Variants in PTPRE observed in about 807,000 individuals in gnomAD.
The protein encoded by PTPRE is receptor-type tyrosine-protein phosphatase epsilon.
PTPRE carries 51 observed loss-of-function variants against 102.0 expected under a neutral mutation model. That is an observed-to-expected ratio of 0.50 (90% CI 0.40 to 0.63). The LOEUF (loss-of-function observed/expected upper bound fraction) is 0.63. PTPRE is among the 30% of genes least tolerant of loss of function. The pLI is 0.00. For synonymous variants in PTPRE, 345 were observed against 348.2 expected, an observed-to-expected ratio of 0.99 and a Z score of 0.10; for missense variants, 752 against 915.1, an observed-to-expected ratio of 0.82 and a Z score of 2.30.
chr10:128,024,262 G>T (rs1346708120), intron 2 of PTPRE, among the ~76,000 whole-genome samples: 1 of 152,194 alleles, frequency 6.6e-6, no homozygotes, highest in African/African-American at 2.4e-5. Context: ...TACAGTAAAA[G>T]TCTAGCTATA....
chr10:128,048,147 A>G (rs988611396), intron 5 of PTPRE, among the ~76,000 whole-genome samples: 4 of 152,176 alleles, frequency 2.6e-5, no homozygotes, highest in African/African-American at 9.7e-5. Context: ...AGGCCTTACA[A>G]TCATTCTCAG....
chr10:128,004,620 T>C (rs1376474269), intron 2 of PTPRE, among the ~76,000 whole-genome samples: 1 of 152,252 alleles, frequency 6.6e-6, no homozygotes, highest in East Asian at 1.9e-4. Context: ...CTCATTGAGT[T>C]ACTGTGTTTT....
intron 1 of PTPRE, among the ~76,000 whole-genome samples, chr10:127,965,843 A>G (rs572164804): frequency 5.9e-5 from 9 of 152,174 alleles, no homozygotes; most frequent in Non-Finnish European, 8.8e-5. Flanking sequence ...TGCACACCAA[A>G]TTCACTGGTA....
chr10:128,080,234 G>T (rs1364520104), intron 20 of PTPRE, among the ~76,000 whole-genome samples: 5 of 152,192 alleles, frequency 3.3e-5, no homozygotes, highest in African/African-American at 1.2e-4. Flanking sequence ...CTGGTTTTCA[G>T]AAGCGATTCC....
intron 2 of PTPRE, chr10:128,000,073 T>TACTC: frequency 3.1e-6 from 2 of 654,724 alleles, no homozygotes; most frequent in Non-Finnish European, 3.8e-6. Flanking sequence ...GTCTTTAACT[T>TACTC]AGTATTAAAT....
intron 7 of PTPRE, 121 bp from the exon 8 acceptor site, chr10:128,060,818 T>G: frequency 1.1e-6 from 1 of 878,678 alleles, no homozygotes; most frequent in South Asian, 1.5e-5. Context: ...GCTGTGAAGC[T>G]GCTTTTGCCC....
At chr10:127,996,108 G>C (rs895317262) in intron 2 of PTPRE, among the ~76,000 whole-genome samples, 1 of 152,198 alleles carries the variant, frequency 6.6e-6, no homozygotes, top group Non-Finnish European at 1.5e-5. Flanking sequence ...TGAGTCCTCT[G>C]TGTTATTCCC....
chr10:128,067,213 C>T (rs2135995480), intron 11 of PTPRE, among the ~76,000 whole-genome samples: 1 of 123,418 alleles, frequency 8.1e-6, no homozygotes, highest in East Asian at 2.8e-4. Flanking sequence ...CACCCACACA[C>T]ATTCACATGC....
At chr10:128,060,162 G>A (rs1257901620) in intron 7 of PTPRE, among the ~76,000 whole-genome samples, 2 of 139,714 alleles carry the variant, frequency 1.4e-5, no homozygotes, top group Non-Finnish European at 3.1e-5. Flanking sequence ...CTACACACAT[G>A]CACACCACAC....
chr10:127,990,430 A>G (rs866011088), intron 2 of PTPRE, among the ~76,000 whole-genome samples: 83 of 151,554 alleles, frequency 5.5e-4, no homozygotes, highest in East Asian at 1.2e-3. Context: ...AAAAAAAAAA[A>G]AAAGAAAGAA....
intron 2 of PTPRE, among the ~76,000 whole-genome samples, chr10:128,015,208 T>C (rs1845317893): frequency 2.0e-5 from 3 of 152,130 alleles, no homozygotes; most frequent in Admixed American, 2.0e-4. Context: ...AGCAGCTTTG[T>C]TTATAAGAGC....
At chr10:128,019,941 C>A (rs1312218691) in intron 2 of PTPRE, among the ~76,000 whole-genome samples, 3 of 152,218 alleles carry the variant, frequency 2.0e-5, no homozygotes, top group African/African-American at 7.2e-5. Context: ...TTATTAAGTT[C>A]TCAGAGAAAT....
intron 1 of PTPRE, among the ~76,000 whole-genome samples, chr10:127,940,360 T>C (rs1228344596): frequency 1.3e-5 from 2 of 152,290 alleles, no homozygotes; most frequent in South Asian, 4.1e-4. Flanking sequence ...AGCCAACCCC[T>C]AGGACAGCTC....
At chr10:128,006,219 A>G (rs1051411253) in intron 2 of PTPRE, among the ~76,000 whole-genome samples, 1 of 152,178 alleles carries the variant, frequency 6.6e-6, no homozygotes. Context: ...GACTGACACC[A>G]CTGAGTTTCC....
At chr10:128,073,524 C>G in intron 17 of PTPRE, 53 bp downstream of exon 17, 1 of 1,583,760 alleles carries the variant, frequency 6.3e-7, no homozygotes, top group Non-Finnish European at 8.6e-7. Flanking sequence ...GCACCTGAGG[C>G]ACTGTCCCCG....
At chr10:127,908,723 T>C (rs780491336) in intron 1 of PTPRE, among the ~76,000 whole-genome samples, 1 of 152,218 alleles carries the variant, frequency 6.6e-6, no homozygotes, top group Non-Finnish European at 1.5e-5. Context: ...CACCCAGCCC[T>C]TCCCAGACAA....
At chr10:128,041,074 G>T in intron 3 of PTPRE, 84 bp downstream of exon 3, 1 of 1,182,292 alleles carries the variant, frequency 8.5e-7, no homozygotes, top group South Asian at 1.3e-5. Flanking sequence ...AAGGGGCTTA[G>T]GGTAAGAGAA....
intron 2 of PTPRE, among the ~76,000 whole-genome samples, chr10:128,019,597 A>C (rs1845697406): frequency 6.6e-6 from 1 of 151,792 alleles, no homozygotes; most frequent in South Asian, 2.1e-4. Flanking sequence ...CGGGTTTGCC[A>C]TTCCGGGGCT....
chr10:128,050,154 A>G (rs561087167), intron 6 of PTPRE, among the ~76,000 whole-genome samples: 29 of 114,410 alleles, frequency 2.5e-4, no homozygotes, highest in Non-Finnish European at 3.9e-4. Context: ...AACACTAGCT[A>G]TATCTGCTTG....
Sources: allele counts gnomAD v4.1 joint callset (sites outside exome capture counted in the v4.1 genomes callset), GRCh38; gene constraint gnomAD v4.1.1; transcripts MANE v1.5; gene names NCBI Gene and HGNC (gene_info 2026-07-23, HGNC 2026-07-21).